LMBR1: variants seen among roughly 807,000 people sequenced by gnomAD.
LMBR1 encodes the protein limb region 1 protein homolog.
LMBR1 carries 52 observed loss-of-function variants against 73.9 expected under a neutral mutation model. The observed-to-expected ratio is 0.70, with a 90% confidence interval of 0.56 to 0.89. The LOEUF (loss-of-function observed/expected upper bound fraction) is 0.89. Among genes scored for constraint, LMBR1 ranks in the 40% least tolerant of loss-of-function variants. The pLI is 0.00. For missense variants in LMBR1, 539 were observed against 579.8 expected (o/e 0.93, Z 0.72); for synonymous variants, 215 against 209.4 (o/e 1.03, Z -0.23).
At chr7:156,799,085 C>G (rs940493830) in intron 4 of LMBR1, among the ~76,000 whole-genome samples, 2 of 151,672 alleles carry the variant, frequency 1.3e-5, no homozygotes, top group Non-Finnish European at 2.9e-5. Flanking sequence ...ACCTGTAGTC[C>G]CAGCTACTCA....
chr7:156,849,656 T>C (rs1423362700), intron 1 of LMBR1, among the ~76,000 whole-genome samples: 1 of 152,098 alleles, frequency 6.6e-6, no homozygotes, highest in East Asian at 1.9e-4. Flanking sequence ...AAAGCATCAG[T>C]TGTTTGTTGC....
intron 5 of LMBR1, among the ~76,000 whole-genome samples, chr7:156,775,658 T>C (rs1417989639): frequency 1.3e-5 from 2 of 152,220 alleles, no homozygotes; most frequent in Non-Finnish European, 2.9e-5. Context: ...ACTACAATTA[T>C]AGGGAATAAT....
chr7:156,716,734 T>C (rs1260476152), intron 15 of LMBR1, among the ~76,000 whole-genome samples: 1 of 152,202 alleles, frequency 6.6e-6, no homozygotes, highest in Non-Finnish European at 1.5e-5. Flanking sequence ...ACTCTCACAA[T>C]AAAATACTAA....
intron 15 of LMBR1, among the ~76,000 whole-genome samples, chr7:156,710,925 C>T (rs182090258): frequency 6.6e-6 from 1 of 152,154 alleles, no homozygotes; most frequent in Admixed American, 6.5e-5. Context: ...CAAAACTAAG[C>T]TTCACAAATG....
chr7:156,679,184 G>C lies in LMBR1; in HGVS notation c.*4894C>G, dbSNP rs558587605. 1 of 152,240 alleles carries C rather than the reference G, an allele frequency of 6.6e-6. No individual in the cohort carries two copies. Among genetic ancestry groups the C allele is most frequent in the Admixed American group, 6.5e-5 (1 of 15,300 alleles). The allele number at this position is 152,240 out of a possible 1,614,324, so 9.4% of individuals were successfully genotyped here. ...CGGTAAAATGCAGATGTGTATTTTCGGCTTCGCAAGGTGGTCCTGGGGGTG... is the reference window on the plus strand; with the variant it reads ...CGGTAAAATGCAGATGTGTATTTTCCGCTTCGCAAGGTGGTCCTGGGGGTG... On this transcript the variant is annotated 3_prime_UTR_variant, in exon 17 of 17. Transcript: ENST00000353442.
At chr7:156,847,066 A>C (rs1212794533) in intron 1 of LMBR1, among the ~76,000 whole-genome samples, 1 of 152,198 alleles carries the variant, frequency 6.6e-6, no homozygotes, top group Non-Finnish European at 1.5e-5. Flanking sequence ...CATGACATTG[A>C]TGGAAAAACA....
At chr7:156,843,971 A>G (rs2133998346) in intron 1 of LMBR1, among the ~76,000 whole-genome samples, 1 of 152,304 alleles carries the variant, frequency 6.6e-6, no homozygotes, top group East Asian at 1.9e-4. Context: ...AATACATTTA[A>G]GAGTACAAGT....
At chr7:156,779,631 A>C in intron 5 of LMBR1, 1 of 1,185,730 alleles carries the variant, frequency 8.4e-7, no homozygotes, top group Non-Finnish European at 1.1e-6. Flanking sequence ...CACATCAATG[A>C]AGTGAAAATT....
chr7:156,867,966 GCTGGGTGC>G (rs1798708054), intron 1 of LMBR1, among the ~76,000 whole-genome samples: 2 of 152,128 alleles, frequency 1.3e-5, no homozygotes, highest in Non-Finnish European at 2.9e-5. Context: ...AATAGTTGAG[GCTGGGTGC>G]CATGGCTCAT....
At chr7:156,809,518 A>C (rs907618683) in intron 4 of LMBR1, among the ~76,000 whole-genome samples, 2 of 152,204 alleles carry the variant, frequency 1.3e-5, no homozygotes, top group African/African-American at 4.8e-5. Context: ...TACAATACCT[A>C]ATACAGTGTA....
downstream of LMBR1, chr7:156,676,633 A>G (rs780957677): frequency 6.2e-7 from 1 of 1,613,706 alleles, no homozygotes; most frequent in Admixed American, 1.7e-5. Context: ...TCCTGCTACC[A>G]GAAGAAGATT....
At chr7:156,797,780 T>C (rs1300922062) in intron 4 of LMBR1, among the ~76,000 whole-genome samples, 5 of 152,280 alleles carry the variant, frequency 3.3e-5, no homozygotes, top group African/African-American at 1.2e-4. Flanking sequence ...TATAATAAAA[T>C]CAACTCACAG....
At position 156,719,416 on chromosome 7, in the gene LMBR1, A is replaced by G. The variant is rs575199072; in HGVS notation, c.1225+4696T>C. On this transcript the variant is annotated intron_variant, in intron 15 of 16. Coordinates refer to ENST00000353442, the MANE Select transcript of LMBR1 (RefSeq NM_022458.4). ...TTTGGATTGGTTCCAAGTCTTTGCT[A>G]TTGTGAATAGTGCCGCAATAAACAT... Among the ~76,000 whole-genome samples, 5 of 152,192 alleles carry G rather than the reference A, an allele frequency of 3.3e-5. No individual in the cohort carries two copies. In the South Asian group the frequency reaches 1.0e-3, roughly 32 times the overall value.
chr7:156,833,655 G>T (rs1837079260), intron 3 of LMBR1, 98 bp downstream of exon 3: 1 of 840,558 alleles, frequency 1.2e-6, no homozygotes, highest in Non-Finnish European at 2.0e-6. Context: ...TGTGCTGGGT[G>T]AATATTTTCC....
chr7:156,884,888 A>T (rs1330933648), intron 1 of LMBR1, among the ~76,000 whole-genome samples: 1 of 152,252 alleles, frequency 6.6e-6, no homozygotes, highest in Non-Finnish European at 1.5e-5. Context: ...TATCTCCTGC[A>T]TAAAGGGTAA....
At chr7:156,837,128 A>T (rs2133925754) in intron 1 of LMBR1, among the ~76,000 whole-genome samples, 1 of 151,950 alleles carries the variant, frequency 6.6e-6, no homozygotes, top group East Asian at 1.9e-4. Context: ...GTTTGAGACC[A>T]GCCTGGCCAA....
chr7:156,731,396 A>G (rs969854976), intron 10 of LMBR1, among the ~76,000 whole-genome samples: 1 of 152,228 alleles, frequency 6.6e-6, no homozygotes, highest in African/African-American at 2.4e-5. Context: ...AAAAGACATC[A>G]AGCCACAGTA....
intron 1 of LMBR1, among the ~76,000 whole-genome samples, chr7:156,860,301 G>A (rs1797551208): frequency 6.6e-6 from 1 of 152,214 alleles, no homozygotes; most frequent in African/African-American, 2.4e-5. Context: ...AACAGGCAAA[G>A]AGAAGAGTTT....
chr7:156,686,726 T>C (rs990946529), intron 16 of LMBR1, among the ~76,000 whole-genome samples: 1 of 152,216 alleles, frequency 6.6e-6, no homozygotes, highest in Non-Finnish European at 1.5e-5. Flanking sequence ...ATTCAAAAGC[T>C]AAAGTTACGG....
Sources: allele counts gnomAD v4.1 joint callset (sites outside exome capture counted in the v4.1 genomes callset), GRCh38; gene constraint gnomAD v4.1.1; transcripts MANE v1.5; gene names NCBI Gene and HGNC (gene_info 2026-07-23, HGNC 2026-07-21).